LRRC18: variants seen among roughly 807,000 people sequenced by gnomAD.
LRRC18 encodes the protein leucine rich repeat containing 18, also known as leucine-rich repeat-containing protein 18.
Under a neutral mutation model 11.2 loss-of-function variants are expected in LRRC18, and 12 were observed. The ratio of observed to expected loss-of-function variants is 1.07; its 90% CI spans 0.69 to 1.74. The LOEUF is 1.74. Among genes scored for constraint, LRRC18 ranks in the 40% most tolerant of loss-of-function variants. The probability of loss-of-function intolerance (pLI) is 0.00; values close to 1 mark genes in which losing one functional copy is unlikely to be tolerated. For missense variants in LRRC18, 374 were observed against 330.5 expected, an observed-to-expected ratio of 1.13 and a Z score of -1.02; for synonymous variants, 155 against 130.6, an observed-to-expected ratio of 1.19 and a Z score of -1.27.
At chr10:48,913,957 C>T in exon 1 of LRRC18, 1 of 1,614,178 alleles carries the variant, frequency 6.2e-7, no homozygotes. Flanking sequence ...GAGATGGAGT[C>T]AGGGATCTTC....
At chr10:48,931,053 GA>G in the LRRC18 span, among the ~76,000 whole-genome samples, 25 of 150,160 alleles carry the variant, frequency 1.7e-4, no homozygotes, top group Middle Eastern at 3.4e-3. Context: ...TTTCTAACCA[GA>G]AAAAAAAGGT....
chr10:48,913,887 TC>T lies in LRRC18; in HGVS notation c.268del (p.Glu90SerfsTer6), dbSNP rs755260145. The T allele has an allele frequency of 6.2e-7, 1 of 1,614,164 alleles. No homozygotes were observed. Among genetic ancestry groups the T allele is most frequent in the Non-Finnish European group, 8.5e-7 (1 of 1,180,018 alleles). Reference sequence around the variant, plus strand: ...CAGGCTGGTCATCTGGCCAATGGACTCAGGCAGCTTGTCTATGTAGTTGCTG... The same window carrying T: ...CAGGCTGGTCATCTGGCCAATGGACTAGGCAGCTTGTCTATGTAGTTGCTG... On this transcript the variant is annotated frameshift_variant, in exon 1 of 2. Transcript: ENST00000374160. LOFTEE classifies it high-confidence loss of function.
the LRRC18 span, among the ~76,000 whole-genome samples, chr10:48,922,944 C>A: frequency 6.6e-6 from 1 of 152,120 alleles, no homozygotes; most frequent in African/African-American, 2.4e-5. Context: ...GGTGTCACTG[C>A]CTGCACCCTG....
the LRRC18 span, among the ~76,000 whole-genome samples, chr10:48,937,185 T>C: frequency 8.3e-3 from 1,263 of 152,292 alleles, 16 homozygotes; most frequent in African/African-American, 0.029. Context: ...TGAGCCACTG[T>C]GCCAGCCAAC....
the LRRC18 span, among the ~76,000 whole-genome samples, chr10:48,919,806 T>G: frequency 6.6e-6 from 1 of 152,176 alleles, no homozygotes; most frequent in African/African-American, 2.4e-5. Context: ...TACAGATTTT[T>G]GGGGGACACA....
exon 2 of LRRC18, chr10:48,909,937 A>G (rs913383446): frequency 5.2e-6 from 2 of 381,252 alleles, no homozygotes; most frequent in East Asian, 4.7e-5. Flanking sequence ...TTTAAGTCTT[A>G]AAGTCTTAAA....
chr10:48,913,050 T>C (rs567400394), intron 1 of LRRC18, among the ~76,000 whole-genome samples: 1 of 152,284 alleles, frequency 6.6e-6, no homozygotes, highest in African/African-American at 2.4e-5. Flanking sequence ...ATGCCAGTGA[T>C]AGTGAGTGTG....
chr10:48,929,980 GC>G, the LRRC18 span, among the ~76,000 whole-genome samples: 1 of 151,888 alleles, frequency 6.6e-6, no homozygotes, highest in Admixed American at 6.6e-5. Context: ...AGTTTATGAT[GC>G]ATTACTTGTT....
upstream of LRRC18, among the ~76,000 whole-genome samples, chr10:48,915,728 C>G (rs894885772): frequency 6.6e-6 from 1 of 152,270 alleles, no homozygotes; most frequent in Admixed American, 6.5e-5. Flanking sequence ...AGGGTCCTAC[C>G]CTGCGAAAGG....
At chr10:48,911,145 G>A (rs1442006699) in intron 1 of LRRC18, among the ~76,000 whole-genome samples, 5 of 152,144 alleles carry the variant, frequency 3.3e-5, no homozygotes, top group South Asian at 4.1e-4. Context: ...GCAGGCTAGC[G>A]GTGGCTCCTA....
chr10:48,910,991 A>G (rs1193928235), intron 1 of LRRC18: 1 of 774,090 alleles, frequency 1.3e-6, no homozygotes, highest in African/African-American at 1.9e-5. Flanking sequence ...GAAGGGGGAG[A>G]AATTGAAATG....
At chr10:48,926,035 G>T in the LRRC18 span, among the ~76,000 whole-genome samples, 2 of 152,286 alleles carry the variant, frequency 1.3e-5, no homozygotes, top group East Asian at 3.9e-4. Context: ...TGTCTGATAC[G>T]CAAGCTGGTG....
At chr10:48,913,299 CA>C in intron 1 of LRRC18, 92 bp downstream of exon 3, 5 of 1,225,436 alleles carry the variant, frequency 4.1e-6, no homozygotes, top group Non-Finnish European at 4.6e-6. Flanking sequence ...GCTGCAGCCA[CA>C]GGGGAGCCCT....
chr10:48,909,954 G>A lies in LRRC18; in HGVS notation c.*283C>T, dbSNP rs76852595. On this transcript the variant is annotated 3_prime_UTR_variant, in exon 2 of 2. Transcript: ENST00000374160. ...TAAGTCTTAAAGTCTTAAATATTTA[G>A]TTGTCTATAATATATAATCTGTAAT... The A allele has an allele frequency of 4.7e-3, 2,041 of 434,440 alleles. 31 individuals carry two copies. The highest frequency in any genetic ancestry group is 0.037 in the African/African-American group (1,867 of 50,866). The allele number at this position is 434,440 out of a possible 1,614,324, so 26.9% of individuals were successfully genotyped here.
At chr10:48,919,400 T>G in the LRRC18 span, among the ~76,000 whole-genome samples, 2 of 152,210 alleles carry the variant, frequency 1.3e-5, no homozygotes, top group African/African-American at 4.8e-5. Flanking sequence ...GTTGAAACCC[T>G]TTCAAAAAAG....
At chr10:48,934,447 T>G in the LRRC18 span, among the ~76,000 whole-genome samples, 1 of 152,182 alleles carries the variant, frequency 6.6e-6, no homozygotes, top group Non-Finnish European at 1.5e-5. Flanking sequence ...GAGAAACTTG[T>G]GTGGAGTCAC....
chr10:48,911,331 G>A (rs574474665), intron 1 of LRRC18, among the ~76,000 whole-genome samples: 50 of 152,322 alleles, frequency 3.3e-4, no homozygotes, highest in African/African-American at 1.2e-3. Flanking sequence ...ACTGGTAGGC[G>A]TATGTGTGTA....
At chr10:48,938,107 T>TATGCCTAG in the LRRC18 span, among the ~76,000 whole-genome samples, 1 of 152,250 alleles carries the variant, frequency 6.6e-6, no homozygotes, top group Admixed American at 6.5e-5. Flanking sequence ...GTGGCTTGCG[T>TATGCCTAG]ATGCCTAGTG....
chr10:48,915,574 A>G (rs768607427), upstream of LRRC18, among the ~76,000 whole-genome samples: 1 of 152,140 alleles, frequency 6.6e-6, no homozygotes, highest in Non-Finnish European at 1.5e-5. Flanking sequence ...ACCCAAGTTG[A>G]TATAGCACAT....
Sources: gnomAD v4.1 joint callset for allele counts (sites outside exome capture counted in the v4.1 genomes callset) on GRCh38, gnomAD v4.1.1 for gene constraint, MANE v1.5 for transcripts, NCBI Gene and HGNC (gene_info 2026-07-23, HGNC 2026-07-21) for gene names.